CD2AP: variants seen among roughly 807,000 people sequenced by gnomAD.
The protein encoded by CD2AP is CD2 associated protein, also known as CD2-associated protein.
CD2AP carries 46 observed loss-of-function variants against 85.1 expected under a neutral mutation model. That is an observed-to-expected ratio of 0.54 (90% CI 0.43 to 0.69). The LOEUF is 0.69. Among genes scored for constraint, CD2AP ranks in the 30% least tolerant of loss-of-function variants. CD2AP has a pLI of 0.00. For missense variants in CD2AP, 769 were observed against 729.5 expected, an observed-to-expected ratio of 1.05 and a Z score of -0.62; for synonymous variants, 255 against 252.9, an observed-to-expected ratio of 1.01 and a Z score of -0.08.
intron 17 of CD2AP, among the ~76,000 whole-genome samples, chr6:47,615,014 G>C (rs972230327): frequency 2.0e-5 from 3 of 152,072 alleles, no homozygotes; most frequent in African/African-American, 7.2e-5. Flanking sequence ...GCATATCTCA[G>C]AGAAAGTTGT....
intron 10 of CD2AP, among the ~76,000 whole-genome samples, chr6:47,581,767 G>T (rs1429634668): frequency 3.3e-5 from 5 of 152,158 alleles, no homozygotes; most frequent in Non-Finnish European, 4.4e-5. Flanking sequence ...TACGGTAGAG[G>T]ATATGATCTC....
At chr6:47,542,639 T>C (rs922801798) in intron 3 of CD2AP, among the ~76,000 whole-genome samples, 4 of 152,174 alleles carry the variant, frequency 2.6e-5, no homozygotes, top group African/African-American at 9.7e-5. Flanking sequence ...GCTGGCACTT[T>C]GATCTTGGAT....
intron 4 of CD2AP, among the ~76,000 whole-genome samples, chr6:47,553,294 T>G (rs1310122037): frequency 6.6e-6 from 1 of 152,060 alleles, no homozygotes; most frequent in Non-Finnish European, 1.5e-5. Context: ...AGCTATATTG[T>G]GTGTAGTGCT....
intron 13 of CD2AP, among the ~76,000 whole-genome samples, chr6:47,599,906 C>T (rs1030967154): frequency 2.7e-4 from 41 of 151,346 alleles, no homozygotes; most frequent in Non-Finnish European, 1.2e-4. Context: ...AACCCTTTTG[C>T]TAATTTTTTT....
At chr6:47,531,466 G>A (rs1766873072) in intron 2 of CD2AP, among the ~76,000 whole-genome samples, 1 of 151,416 alleles carries the variant, frequency 6.6e-6, no homozygotes, top group Non-Finnish European at 1.5e-5. Context: ...ACGATATGAG[G>A]GGAAACAGGA....
chr6:47,589,379 T>TATACACACACACACACATATAC (rs144886557), intron 11 of CD2AP, among the ~76,000 whole-genome samples: 1 of 139,386 alleles, frequency 7.2e-6, no homozygotes, highest in Non-Finnish European at 1.6e-5. Context: ...CTCTTGAATA[T>TATACACACACACACACATATAC]ACACACACAC....
At chr6:47,526,336 T>G (rs555608218) in intron 2 of CD2AP, among the ~76,000 whole-genome samples, 14 of 152,174 alleles carry the variant, frequency 9.2e-5, no homozygotes, top group African/African-American at 3.4e-4. Context: ...AACTTTACCT[T>G]ATTTGTAATT....
intron 13 of CD2AP, among the ~76,000 whole-genome samples, chr6:47,603,059 C>T (rs1201369114): frequency 6.6e-6 from 1 of 151,854 alleles, no homozygotes; most frequent in Admixed American, 6.6e-5. Flanking sequence ...CTCATTTCTT[C>T]CAGAAATAAT....
intron 9 of CD2AP, 132 bp downstream of exon 9, chr6:47,579,621 G>A: frequency 1.6e-6 from 1 of 639,534 alleles, no homozygotes; most frequent in Non-Finnish European, 2.8e-6. Context: ...ATTCAGGTAG[G>A]AGTTATTTGA....
intron 17 of CD2AP, 149 bp downstream of exon 17, chr6:47,612,685 A>G (rs1405721626): frequency 3.0e-6 from 2 of 658,054 alleles, no homozygotes; most frequent in Non-Finnish European, 5.6e-6. Context: ...AGTCACAAAA[A>G]AAGAATGAGA....
At chr6:47,524,040 C>T in intron 2 of CD2AP, among the ~76,000 whole-genome samples, 1 of 152,156 alleles carries the variant, frequency 6.6e-6, no homozygotes, top group East Asian at 1.9e-4. Flanking sequence ...CCATTTCCCC[C>T]TTTTACATAC....
chr6:47,605,170 C>T (rs373101562), intron 13 of CD2AP, among the ~76,000 whole-genome samples: 3 of 151,814 alleles, frequency 2.0e-5, no homozygotes, highest in South Asian at 2.1e-4. Flanking sequence ...CAGATCTGGA[C>T]GATTAGACCA....
intron 1 of CD2AP, among the ~76,000 whole-genome samples, chr6:47,501,499 G>C (rs1765996339): frequency 1.3e-5 from 2 of 152,202 alleles, no homozygotes; most frequent in Admixed American, 1.3e-4. Flanking sequence ...CGCCTGTAAA[G>C]TACAGGGTCT....
At chr6:47,481,984 C>T (rs1002743784) in intron 1 of CD2AP, among the ~76,000 whole-genome samples, 1 of 152,070 alleles carries the variant, frequency 6.6e-6, no homozygotes, top group African/African-American at 2.4e-5. Flanking sequence ...TAGTCTCAAA[C>T]TCTTGGCCTC....
intron 2 of CD2AP, among the ~76,000 whole-genome samples, chr6:47,512,854 A>G (rs1766355868): frequency 6.6e-6 from 1 of 152,260 alleles, no homozygotes; most frequent in African/African-American, 2.4e-5. Context: ...GTGCATAAAC[A>G]AATAGTATTT....
chr6:47,494,003 T>A (rs560994984), intron 1 of CD2AP, among the ~76,000 whole-genome samples: 1 of 152,182 alleles, frequency 6.6e-6, no homozygotes, highest in South Asian at 2.1e-4. Context: ...ATATTAATCA[T>A]AGTTATTTTA....
intron 5 of CD2AP, among the ~76,000 whole-genome samples, chr6:47,562,148 G>T (rs1220066557): frequency 1.3e-5 from 2 of 152,146 alleles, no homozygotes; most frequent in Non-Finnish European, 2.9e-5. Context: ...GTGTTGCCTT[G>T]TTCGTTTGCT....
intron 11 of CD2AP, among the ~76,000 whole-genome samples, chr6:47,594,960 T>C (rs1212412519): frequency 6.6e-6 from 1 of 152,058 alleles, no homozygotes; most frequent in African/African-American, 2.4e-5. Flanking sequence ...ATAGACATTT[T>C]TTTCAAAGAC....
chr6:47,518,799 C>T (rs1457779194), intron 2 of CD2AP, among the ~76,000 whole-genome samples: 1 of 152,162 alleles, frequency 6.6e-6, no homozygotes, highest in African/African-American at 2.4e-5. Context: ...AACCACATGT[C>T]CCTTTTTGCA....
Sources: gnomAD v4.1 joint callset for allele counts (sites outside exome capture counted in the v4.1 genomes callset) on GRCh38, gnomAD v4.1.1 for gene constraint, MANE v1.5 for transcripts, NCBI Gene and HGNC (gene_info 2026-07-23, HGNC 2026-07-21) for gene names.